Variants in CHODL observed in about 807,000 individuals in gnomAD.
The protein encoded by CHODL is chondrolectin.
A neutral mutation model predicts 34.5 loss-of-function variants in CHODL; 29 were observed. The observed-to-expected ratio is 0.84, with a 90% CI of 0.63 to 1.15. CHODL has a LOEUF of 1.15. Ranked by LOEUF, CHODL falls within the 50% of genes most tolerant of loss-of-function variation. The probability of loss-of-function intolerance (pLI) is 0.00; values close to 1 mark genes in which losing one functional copy is unlikely to be tolerated. For missense variants in CHODL, 332 were observed against 332.5 expected (o/e 1.00, Z 0.01); for synonymous variants, 125 against 116.1 (o/e 1.08, Z -0.49).
chr21:18,250,678 G>A (rs1217214454), intron 1 of CHODL, among the ~76,000 whole-genome samples: 1 of 151,888 alleles, frequency 6.6e-6, no homozygotes, highest in African/African-American at 2.4e-5. Context: ...GTTGGCACTG[G>A]TATCACAGTC....
chr21:18,038,508 A>C (rs942600742), intron 2 of CHODL, among the ~76,000 whole-genome samples: 1 of 151,702 alleles, frequency 6.6e-6, no homozygotes, highest in Admixed American at 6.6e-5. Flanking sequence ...GTCGTTTCTG[A>C]GATAGTTTGC....
At chr21:17,925,725 T>C (rs1459214887) in intron 1 of CHODL, among the ~76,000 whole-genome samples, 2 of 152,214 alleles carry the variant, frequency 1.3e-5, no homozygotes, top group East Asian at 3.8e-4. Context: ...TGTTATTTTA[T>C]TCATTACATT....
intron 2 of CHODL, among the ~76,000 whole-genome samples, chr21:18,225,662 G>A (rs1038915349): frequency 1.1e-4 from 17 of 151,976 alleles, no homozygotes; most frequent in Admixed American, 7.9e-4. Context: ...AAAATAATGG[G>A]TAAGGAGAGA....
chr21:18,041,289 G>T (rs772500874), intron 2 of CHODL, among the ~76,000 whole-genome samples: 1 of 151,884 alleles, frequency 6.6e-6, no homozygotes, highest in Non-Finnish European at 1.5e-5. Context: ...ACCGTGATTG[G>T]CTTTGGGGAC....
At chr21:18,129,035 A>G (rs1338554825) in intron 2 of CHODL, among the ~76,000 whole-genome samples, 1 of 152,096 alleles carries the variant, frequency 6.6e-6, no homozygotes, top group African/African-American at 2.4e-5. Context: ...TGTATGTACT[A>G]AGATTTTTGA....
intron 2 of CHODL, among the ~76,000 whole-genome samples, chr21:18,170,251 T>C (rs1365068903): frequency 6.6e-6 from 1 of 152,090 alleles, no homozygotes; most frequent in East Asian, 1.9e-4. Flanking sequence ...TGTTCTCCTT[T>C]GGTTGCTCTT....
At chr21:17,922,340 T>C (rs1488619591) in intron 1 of CHODL, among the ~76,000 whole-genome samples, 1 of 152,184 alleles carries the variant, frequency 6.6e-6, no homozygotes, top group Non-Finnish European at 1.5e-5. Context: ...TTTACAACAT[T>C]GTTCCACTGC....
chr21:18,244,081 G>C (rs1469776185), upstream of CHODL, among the ~76,000 whole-genome samples: 1 of 152,178 alleles, frequency 6.6e-6, no homozygotes, highest in African/African-American at 2.4e-5. Flanking sequence ...TTAATAAAGA[G>C]AGCAGGTCAG....
intron 2 of CHODL, among the ~76,000 whole-genome samples, chr21:18,150,438 A>G (rs1002160122): frequency 1.3e-5 from 2 of 152,116 alleles, no homozygotes; most frequent in African/African-American, 4.8e-5. Context: ...GAAGCCTTAG[A>G]ATTTCATTTT....
chr21:17,951,564 A>C (rs993301223), intron 1 of CHODL, among the ~76,000 whole-genome samples: 2 of 152,244 alleles, frequency 1.3e-5, no homozygotes, highest in Non-Finnish European at 2.9e-5. Flanking sequence ...TGTTAGATTT[A>C]GCAGGCAGAC....
chr21:18,216,866 TG>T (rs757980294), intron 2 of CHODL, among the ~76,000 whole-genome samples: 11 of 152,066 alleles, frequency 7.2e-5, no homozygotes, highest in Non-Finnish European at 1.6e-4. Flanking sequence ...AAGAACAGCA[TG>T]GGGGAAACCG....
At position 18,106,448 on chromosome 21, in the gene CHODL, T is replaced by C. The variant is rs896666761; in HGVS notation, c.-45+78477T>C. Among the ~76,000 whole-genome samples the C allele has an allele frequency of 3.9e-5, 6 of 152,244 alleles. No homozygotes were observed. In the East Asian group the frequency reaches 7.7e-4, roughly 20 times the overall value. ...GCATAAAGAGCAATATACATACTTT[T>C]GAAATATTTTTTGTTACTAGATCTT... On this transcript the variant is annotated intron_variant, in intron 2 of 6. Coordinates refer to the CHODL transcript ENST00000400127.
At chr21:18,225,658 A>T (rs1027892023) in intron 2 of CHODL, among the ~76,000 whole-genome samples, 3 of 152,130 alleles carry the variant, frequency 2.0e-5, no homozygotes, top group African/African-American at 7.2e-5. Context: ...GTAAAAAATA[A>T]TGGGTAAGGA....
chr21:18,119,530 A>G (rs555499540), intron 2 of CHODL, among the ~76,000 whole-genome samples: 14 of 152,150 alleles, frequency 9.2e-5, no homozygotes, highest in African/African-American at 3.4e-4. Context: ...AAGAGGGTAC[A>G]ATTGGCTTAA....
intron 1 of CHODL, among the ~76,000 whole-genome samples, chr21:17,969,899 TG>T (rs1305337801): frequency 6.6e-6 from 1 of 152,162 alleles, no homozygotes; most frequent in Non-Finnish European, 1.5e-5. Flanking sequence ...TCTTACTGAA[TG>T]GGGGAACCAT....
rs150112349 is a variant in CHODL, at chr21:18,214,905, A to G, written c.-44-41604A>G. ...AATAGTATAGAAATAATAAGAGTGT[A>G]AAATTAACAACATACATACATACAG... On this transcript the variant is annotated intron_variant, in intron 2 of 6. Coordinates refer to the CHODL transcript ENST00000400127. 6.1e-3 allele frequency among the ~76,000 whole-genome samples: 933 copies of G among 152,254 alleles called. 11 individuals carry two copies. The highest frequency in any genetic ancestry group is 6.5e-3 in the Non-Finnish European group (442 of 67,980).
intron 2 of CHODL, among the ~76,000 whole-genome samples, chr21:18,121,681 T>C (rs2065481215): frequency 6.6e-6 from 1 of 152,236 alleles, no homozygotes; most frequent in African/African-American, 2.4e-5. Flanking sequence ...GAGTGAGGGG[T>C]GTTCGTTCTT....
rs569505479 is a variant in CHODL, at chr21:18,030,258, C to T, written c.-45+2287C>T. On this transcript the variant is annotated intron_variant, in intron 2 of 6. Coordinates refer to the CHODL transcript ENST00000400127. ...GGAAAGCCAAATGACAATTTGGAAA[C>T]GACCTTACAAAGAGACCTGCATGGC... Among the ~76,000 whole-genome samples, 105 of 152,282 alleles carry T rather than the reference C, an allele frequency of 6.9e-4. No individual in the cohort carries two copies. In the Middle Eastern group the frequency reaches 0.02, roughly 30 times the overall value.
chr21:18,253,297 G>A (rs1326752061), intron 1 of CHODL, among the ~76,000 whole-genome samples: 2 of 151,672 alleles, frequency 1.3e-5, no homozygotes, highest in South Asian at 2.1e-4. Flanking sequence ...TCACTGAAAG[G>A]TCTGGCTATT....
Sources: allele counts gnomAD v4.1 joint callset (sites outside exome capture counted in the v4.1 genomes callset), GRCh38; gene constraint gnomAD v4.1.1; transcripts MANE v1.5; gene names NCBI Gene and HGNC (gene_info 2026-07-23, HGNC 2026-07-21).